Variants in RYR2 observed in about 807,000 individuals in gnomAD.
The protein encoded by RYR2 is cardiac muscle ryanodine receptor-calcium release channel.
RYR2 carries 227 observed loss-of-function variants against 601.1 expected under a neutral mutation model. The observed-to-expected ratio is 0.38, with a 90% CI of 0.34 to 0.42. The LOEUF (loss-of-function observed/expected upper bound fraction) is 0.42, where lower values mean the gene tolerates loss of function less well. RYR2 is among the 10% of genes least tolerant of loss of function. RYR2 has a pLI of 1.00. For missense variants in RYR2, 4,646 were observed against 6,156.5 expected (o/e 0.75, Z 8.21); for synonymous variants, 2,223 against 2,175.1 (o/e 1.02, Z -0.61).
chr1:237,726,383 A>C, intron 75 of RYR2, 75 bp downstream of exon 75: 1 of 895,618 alleles, frequency 1.1e-6, no homozygotes, highest in South Asian at 1.5e-5. Flanking sequence ...TCTTTCTAAT[A>C]CAATTAATCT....
chr1:237,647,148 A>G (rs904028483), intron 48 of RYR2, among the ~76,000 whole-genome samples: 3 of 152,230 alleles, frequency 2.0e-5, no homozygotes, highest in Non-Finnish European at 2.9e-5. Context: ...ATTGAAAATC[A>G]TAATATACTG....
chr1:237,396,489 TTG>T (rs1702870379), intron 10 of RYR2, among the ~76,000 whole-genome samples: 2 of 152,222 alleles, frequency 1.3e-5, no homozygotes, highest in East Asian at 3.8e-4. Flanking sequence ...TGCACAATTT[TTG>T]TGATGTTAAA....
At chr1:237,449,435 G>A (rs1193480306) in intron 14 of RYR2, among the ~76,000 whole-genome samples, 1 of 152,028 alleles carries the variant, frequency 6.6e-6, no homozygotes, top group Non-Finnish European at 1.5e-5. Context: ...TTCGCACTTT[G>A]TCATTCATTT....
At chr1:237,200,410 G>A (rs937274415) in intron 1 of RYR2, among the ~76,000 whole-genome samples, 10 of 151,870 alleles carry the variant, frequency 6.6e-5, no homozygotes, top group African/African-American at 2.2e-4. Context: ...GATTACAGGC[G>A]CCCACCACCA....
chr1:237,732,911 C>A (rs1262091272), intron 78 of RYR2, among the ~76,000 whole-genome samples: 9 of 152,196 alleles, frequency 5.9e-5, no homozygotes. Flanking sequence ...ATTAAAAACT[C>A]ATATCCACAT....
intron 36 of RYR2, among the ~76,000 whole-genome samples, chr1:237,611,777 C>G (rs1056028375): frequency 6.6e-6 from 1 of 152,066 alleles, no homozygotes; most frequent in Non-Finnish European, 1.5e-5. Context: ...TTATTGAAGC[C>G]AGGTCCATTT....
chr1:237,098,296 G>A (rs960386842), intron 1 of RYR2, among the ~76,000 whole-genome samples: 1 of 151,866 alleles, frequency 6.6e-6, no homozygotes, highest in Non-Finnish European at 1.5e-5. Context: ...TACTCAAAAT[G>A]TACATATGAT....
chr1:237,352,878 GGA>G (rs749943258), intron 3 of RYR2: 88 of 514,824 alleles, frequency 1.7e-4, no homozygotes, highest in Admixed American at 1.4e-3. Context: ...GGGTGGGTGA[GGA>G]GACAACTCTT....
rs1454757083 is a variant in RYR2, at chr1:237,480,666, A to C, written c.1709-11140A>C. ...GGGCCTAATTAAGGCTGCATAGTAC[A>C]TTATAATTACAGTGCTCATTTTGTG... On this transcript the variant is annotated intron_variant, in intron 17 of 104. Transcript: ENST00000366574. Among the ~76,000 whole-genome samples, 4 of 152,108 alleles carry C rather than the reference A, an allele frequency of 2.6e-5. No individual in the cohort carries two copies. In the East Asian group the frequency reaches 5.8e-4, roughly 22 times the overall value.
At chr1:237,263,502 C>G (rs1314786043) in intron 1 of RYR2, among the ~76,000 whole-genome samples, 2 of 152,164 alleles carry the variant, frequency 1.3e-5, no homozygotes, top group African/African-American at 4.8e-5. Context: ...AGTAACATCA[C>G]TGTCATGGTT....
chr1:237,154,210 A>G (rs761620349), intron 1 of RYR2, among the ~76,000 whole-genome samples: 11 of 152,164 alleles, frequency 7.2e-5, no homozygotes, highest in Non-Finnish European at 1.5e-4. Flanking sequence ...CTTCTCTTCA[A>G]TTTAGATTTA....
chr1:237,403,520 G>T (rs1703576720), intron 10 of RYR2, among the ~76,000 whole-genome samples: 2 of 152,164 alleles, frequency 1.3e-5, no homozygotes, highest in African/African-American at 4.8e-5. Context: ...CTGGCCTCAA[G>T]CAATCCTTGA....
intron 46 of RYR2, 23 bp from the exon 47 acceptor site, chr1:237,640,874 T>C: frequency 6.3e-7 from 1 of 1,597,150 alleles, no homozygotes; most frequent in Non-Finnish European, 8.6e-7. Context: ...TGCTTTCTCT[T>C]TCTTTTGAAA....
At chr1:237,608,464 A>C (rs979730828) in intron 35 of RYR2, among the ~76,000 whole-genome samples, 1 of 152,106 alleles carries the variant, frequency 6.6e-6, no homozygotes, top group Non-Finnish European at 1.5e-5. Flanking sequence ...GCACTTTGGG[A>C]GGAAGGAGGA....
chr1:237,614,987 C>G lies in RYR2; in HGVS notation c.5715+144C>G. ...AGTTCTTCATAAAATTAACTAACTT[C>G]CTATTCTTTTCCCTCTTATTCATTA... is the stretch of plus-strand genomic sequence containing the variant. On this transcript the variant is annotated intron_variant, in intron 37 of 104. Coordinates refer to ENST00000366574, the MANE Select transcript of RYR2 (RefSeq NM_001035.3). This position sits in a 1 kb window ranked among gnomAD's most constrained non-coding sequence, Gnocchi z 4.3. 3.5e-6 allele frequency: 3 copies of G among 866,702 alleles called. No homozygotes were observed. Among genetic ancestry groups the G allele is most frequent in the Admixed American group, 3.0e-5 (1 of 32,914 alleles). The allele number at this position is 866,702 out of a possible 1,614,324, so 53.7% of individuals were successfully genotyped here.
intron 1 of RYR2, among the ~76,000 whole-genome samples, chr1:237,183,969 C>A (rs937824881): frequency 1.3e-5 from 2 of 152,096 alleles, no homozygotes; most frequent in Non-Finnish European, 1.5e-5. Flanking sequence ...CTCTGAAACT[C>A]CAGCTGCATA....
chr1:237,571,007 G>T (rs1672626962), intron 29 of RYR2, among the ~76,000 whole-genome samples: 1 of 152,076 alleles, frequency 6.6e-6, no homozygotes, highest in South Asian at 2.1e-4. Context: ...TGTTCCTGTA[G>T]CTCCAGCTGC....
chr1:237,273,653 C>A (rs1303505871), intron 2 of RYR2, among the ~76,000 whole-genome samples: 1 of 151,950 alleles, frequency 6.6e-6, no homozygotes, highest in East Asian at 1.9e-4. Context: ...ATTCAACTTC[C>A]TGATTGCTTT....
chr1:237,650,275 A>G (rs920921247), intron 50 of RYR2, among the ~76,000 whole-genome samples, 178 bp downstream of exon 50: 1 of 152,194 alleles, frequency 6.6e-6, no homozygotes, highest in Non-Finnish European at 1.5e-5. Context: ...CTCCCAGTCA[A>G]GTTCCAGAGT....
Sources: allele counts gnomAD v4.1 joint callset (sites outside exome capture counted in the v4.1 genomes callset), GRCh38; gene constraint gnomAD v4.1.1; non-coding constraint Gnocchi (gnomAD v3.1); transcripts MANE v1.5; gene names NCBI Gene and HGNC (gene_info 2026-07-23, HGNC 2026-07-21).